BRAT1: variants seen among roughly 807,000 people sequenced by gnomAD.
The protein encoded by BRAT1 is BRCA1 associated ATM activator 1.
In BRAT1, 74 loss-of-function variants were observed where a neutral mutation model predicts 70.6. That is an observed-to-expected ratio of 1.05 (90% CI 0.87 to 1.27). The LOEUF is 1.27. BRAT1 is among the 50% of genes most tolerant of loss of function. The pLI is 0.00. For synonymous variants in BRAT1, 615 were observed against 517.1 expected (o/e 1.19, Z -2.57); for missense variants, 1,203 against 1,098.2 (o/e 1.10, Z -1.35).
chr7:2,549,684 G>C (rs1301505498), intron 2 of BRAT1, among the ~76,000 whole-genome samples: 2 of 152,164 alleles, frequency 1.3e-5, no homozygotes, highest in East Asian at 3.8e-4. Flanking sequence ...AGAAAGAGTT[G>C]CTGAGATTAA....
At chr7:2,539,434 C>A in intron 12 of BRAT1, 83 bp from the exon 13 acceptor site, 1 of 1,517,570 alleles carries the variant, frequency 6.6e-7, no homozygotes, top group Non-Finnish European at 8.9e-7. Flanking sequence ...CCCTTGTGGG[C>A]AGCCGACATG....
chr7:2,541,107 C>G, intron 9 of BRAT1, 55 bp from the exon 10 acceptor site: 1 of 1,490,954 alleles, frequency 6.7e-7, no homozygotes, highest in Non-Finnish European at 8.9e-7. Context: ...GGACCCTCCC[C>G]ATCAACTCTG....
chr7:2,541,631 G>T (rs1015304811), intron 8 of BRAT1, 87 bp downstream of exon 8: 2 of 1,473,936 alleles, frequency 1.4e-6, no homozygotes, highest in Non-Finnish European at 1.8e-6. Flanking sequence ...TGCTGGGGCA[G>T]CAAGGGGTGG....
chr7:2,538,080 C>T lies in BRAT1; in HGVS notation c.2455G>A (p.Asp819Asn), dbSNP rs766501904. 15 of 1,566,462 alleles carry T rather than the reference C, an allele frequency of 9.6e-6. No individual in the cohort carries two copies. Among genetic ancestry groups the T allele is most frequent in the Middle Eastern group, 1.7e-4 (1 of 5,868 alleles). The change falls in exon 14 of 14, where the codon GAC becomes AAC. Residue 819 changes from aspartate (D) to asparagine (N), a missense_variant. Coordinates refer to ENST00000340611, the MANE Select transcript of BRAT1 (RefSeq NM_152743.4). ...GACTCTGGTTCTGCTCAGTAGCAGT[C>T]GGCCTCGTCCCCCTGCAGGAAGCCT... ...TGGFLQGDEADCY is the reference protein window; with the variant it reads ...TGGFLQGDEANCY
Position 2,554,460 on chromosome 7 carries a change from T to C in BRAT1, c.-16-13A>G, listed in dbSNP as rs1562597153. Reference sequence around the variant, plus strand: ...GAGGCCGCAGGCCCTGCAAAGGCAATGTGAGAGCCAAACCTCAATGCCCAC... The same window carrying C: ...GAGGCCGCAGGCCCTGCAAAGGCAACGTGAGAGCCAAACCTCAATGCCCAC... On this transcript the variant is annotated splice_polypyrimidine_tract_variant and intron_variant, in intron 1 of 13. Coordinates refer to ENST00000340611, the MANE Select transcript of BRAT1 (RefSeq NM_152743.4). 2 of 1,606,484 alleles carry C rather than the reference T, an allele frequency of 1.2e-6. No individual in the cohort carries two copies. The highest frequency in any genetic ancestry group is 1.7e-5 in the Admixed American group (1 of 59,568).
rs1408582725 is a variant in BRAT1 at position 2,554,467 on chromosome 7, G to A, written c.-16-20C>T. 1.2e-6 allele frequency: 2 copies of A among 1,602,532 alleles called. No individual in the cohort carries two copies. ...CAGGCCCTGCAAAGGCAATGTGAGAGCCAAACCTCAATGCCCACTCCAGAC... is the reference window on the plus strand; with the variant it reads ...CAGGCCCTGCAAAGGCAATGTGAGAACCAAACCTCAATGCCCACTCCAGAC... On this transcript the variant is annotated intron_variant, in intron 1 of 13. Transcript: ENST00000340611.
rs542510878 is a variant in BRAT1, at chr7:2,542,870, G to A, written c.923+334C>T. The A allele has an allele frequency of 2.1e-4, 39 of 188,864 alleles. No homozygotes were observed. The South Asian group carries it at 3.1e-3, about 15-fold the overall frequency. 11.7% of individuals were successfully genotyped at this position (188,864 alleles called of 1,614,324 possible). A position where few individuals can be genotyped will look rare whatever the true frequency, so the allele number is the denominator to read the frequency against. On this transcript the variant is annotated intron_variant, in intron 6 of 13. Transcript: ENST00000340611. ...CATGGTGTGTGTGCTGGGGAGCTCC[G>A]AAACCCCCAACCAAAGCTGCGGTGG...
chr7:2,542,519 C>CCCCCAGCCTCCCGGGTGT (rs138295649), intron 6 of BRAT1: 453,941 of 454,146 alleles, frequency 1, 226,869 homozygotes, highest in East Asian at 1. Flanking sequence ...GGATGGGGTG[C>CCCCCAGCCTCCCGGGTGT]CCCCAGGTGT....
At chr7:2,538,847 G>A (rs1778911222) in intron 13 of BRAT1, 83 bp from the exon 14 acceptor site, 1 of 1,552,714 alleles carries the variant, frequency 6.4e-7, no homozygotes, top group African/African-American at 1.4e-5. Flanking sequence ...ACATGATGGG[G>A]GCTGGCCCCG....
intron 2 of BRAT1, among the ~76,000 whole-genome samples, chr7:2,548,093 CAAAAAA>C (rs57069903): frequency 1.0e-5 from 1 of 98,824 alleles, no homozygotes; most frequent in African/African-American, 3.4e-5. Context: ...GACTCCATTC[CAAAAAA>C]AAAAAAAAAA....
rs777308516 is a variant in BRAT1, at chr7:2,538,301, G to C, written c.2234C>G (p.Thr745Ser). 5.6e-6 allele frequency: 9 copies of C among 1,612,706 alleles called. No individual in the cohort carries two copies. The highest frequency in any genetic ancestry group is 7.6e-6 in the Non-Finnish European group (9 of 1,179,878). The stretch of plus-strand genomic sequence containing the variant: ...CGGCAGGGTGGCCTCTGCGGAGGCA[G>C]TGTTGGGGCTGCCCCTGGCCTCCCG... ...SLREARGSPNTASAEATLPRW... is the reference protein window; with the variant it reads ...SLREARGSPNSASAEATLPRW... Residue 745 changes from threonine to serine, a missense_variant, in exon 14 of 14, where the codon ACT (threonine) becomes AGT (serine). Physicochemically the swap from Thr to Ser is moderately conservative, Grantham distance 58 (BLOSUM62 1). Coordinates refer to ENST00000340611, the MANE Select transcript of BRAT1 (RefSeq NM_152743.4).
At chr7:2,550,862 A>T (rs2128409556) in intron 2 of BRAT1, among the ~76,000 whole-genome samples, 1 of 152,276 alleles carries the variant, frequency 6.6e-6, no homozygotes, top group East Asian at 1.9e-4. Flanking sequence ...TATTTTGTCC[A>T]TTTCTCATGT....
At position 2,541,841 on chromosome 7, in the gene BRAT1, G is replaced by C; in HGVS notation, c.1016-5C>G. On this transcript the variant is annotated splice_region_variant and splice_polypyrimidine_tract_variant and intron_variant, in intron 7 of 13. Coordinates refer to ENST00000340611, the MANE Select transcript of BRAT1 (RefSeq NM_152743.4). ...CTGCCGTCCCGTCCAGCAAGCCTGG[G>C]GGCCAAGCCAGGAAGAGCTCCCTTA... is the stretch of plus-strand genomic sequence containing the variant. The C allele has an allele frequency of 6.2e-7, 1 of 1,612,554 alleles. No individual in the cohort carries two copies. The highest frequency in any genetic ancestry group is 2.2e-5 in the East Asian group (1 of 44,876).
intron 4 of BRAT1, chr7:2,544,297 G>A: frequency 5.1e-6 from 1 of 196,104 alleles, no homozygotes; most frequent in Non-Finnish European, 9.6e-6. Context: ...CCACCTCCCA[G>A]GTTCAAGCCA....
chr7:2,540,939 G>A, intron 10 of BRAT1, 40 bp downstream of exon 10: 2 of 1,483,070 alleles, frequency 1.3e-6, no homozygotes, highest in Non-Finnish European at 1.8e-6. Flanking sequence ...CACTGCCTCT[G>A]CCTCCCTCCT....
Position 2,541,693 on chromosome 7 carries a change from TGCATGAGGACCGGGCC to T in BRAT1, c.1134+9_1134+24del. On this transcript the variant is annotated intron_variant, in intron 8 of 13. Coordinates refer to ENST00000340611, the MANE Select transcript of BRAT1 (RefSeq NM_152743.4). ...ACCGCCAGCGTGGATGCTGCTGGGCTGCATGAGGACCGGGCCGCACCTACCAGCGGCTGCAGCTCCT... is the reference window on the plus strand; with the variant it reads ...ACCGCCAGCGTGGATGCTGCTGGGCTGCACCTACCAGCGGCTGCAGCTCCT... The T allele has an allele frequency of 1.3e-6, 2 of 1,591,594 alleles. No homozygotes were observed. The highest frequency in any genetic ancestry group is 1.7e-6 in the Non-Finnish European group (2 of 1,170,326).
intron 2 of BRAT1, among the ~76,000 whole-genome samples, chr7:2,552,560 T>TA (rs933470705): frequency 3.4e-3 from 494 of 143,966 alleles, no homozygotes; most frequent in African/African-American, 4.7e-3. Context: ...ACCCCATCCT[T>TA]AAAAAAAAAA....
At chr7:2,542,942 C>T (rs906132674) in intron 6 of BRAT1, 2 of 292,444 alleles carry the variant, frequency 6.8e-6, no homozygotes, top group African/African-American at 2.2e-5. Flanking sequence ...GCAGGACCAC[C>T]CTGCTCTGAG....
intron 2 of BRAT1, 22 bp from the exon 3 acceptor site, chr7:2,547,500 G>C (rs368279751): frequency 6.2e-7 from 1 of 1,608,824 alleles, no homozygotes; most frequent in Non-Finnish European, 8.5e-7. Context: ...GCCCAGCCCA[G>C]GGGTCACCAG....
Sources: allele counts gnomAD v4.1 joint callset (sites outside exome capture counted in the v4.1 genomes callset), GRCh38; gene constraint gnomAD v4.1.1; transcripts MANE v1.5; gene names NCBI Gene and HGNC (gene_info 2026-07-23, HGNC 2026-07-21).